LYST: variants seen among roughly 807,000 people sequenced by gnomAD.
LYST encodes lysosomal trafficking regulator.
A neutral mutation model predicts 413.6 loss-of-function variants in LYST; 192 were observed. The ratio of observed to expected loss-of-function variants is 0.46; its 90% confidence interval spans 0.41 to 0.52. The LOEUF is 0.52. Among genes scored for constraint, LYST ranks in the 20% least tolerant of loss-of-function variants. LYST has a pLI of 0.00. For missense variants in LYST, 3,815 were observed against 4,499.9 expected (o/e 0.85, Z 4.35); for synonymous variants, 1,525 against 1,567.3 (o/e 0.97, Z 0.64).
At chr1:235,861,146 C>G (rs1487381122) in intron 1 of LYST, among the ~76,000 whole-genome samples, 1 of 152,056 alleles carries the variant, frequency 6.6e-6, no homozygotes, top group Non-Finnish European at 1.5e-5. Flanking sequence ...CCCTATTGTT[C>G]ATTTATTTCT....
intron 50 of LYST, among the ~76,000 whole-genome samples, chr1:235,673,617 C>A (rs748414042): frequency 2.0e-4 from 31 of 152,156 alleles, no homozygotes; most frequent in Non-Finnish European, 2.9e-4. Context: ...CTATTACTAT[C>A]CCTACCTCTA....
Position 235,755,484 on chromosome 1 carries a change from T to C in LYST, c.7223A>G (p.Asp2408Gly). The C allele has an allele frequency of 6.2e-7, 1 of 1,612,972 alleles. No homozygotes were observed. Among genetic ancestry groups the C allele is most frequent in the African/African-American group, 1.3e-5 (1 of 74,924 alleles). ...GAGGGAAGAACACACTTACTCTTCA[T>C]CAAGGCCAATATGTCGACCAAAGAA... ...EMFFGRHIGL[D>G]EEFDLEDVRN... The change falls in exon 25 of 53, where the codon GAT becomes GGT. Residue 2408 changes from aspartate (D) to glycine (G), a missense_variant. This residue lies in a region of LYST where 771 missense variants were observed against 837.1 expected (regional missense o/e 0.92). Coordinates refer to ENST00000389793, the MANE Select transcript of LYST (RefSeq NM_000081.4).
intron 25 of LYST, among the ~76,000 whole-genome samples, chr1:235,755,054 C>T (rs1572157465): frequency 8.0e-6 from 1 of 124,972 alleles, no homozygotes; most frequent in South Asian, 2.6e-4. Flanking sequence ...GCACTCCAGC[C>T]TGGGTGACAG....
At position 235,795,717 on chromosome 1, in the gene LYST, C is replaced by A. The variant is rs545990716; in HGVS notation, c.4007-2105G>T. On this transcript the variant is annotated intron_variant, in intron 10 of 52. Coordinates refer to ENST00000389793, the MANE Select transcript of LYST (RefSeq NM_000081.4). ...AAAATAGAAAACAAATTCACTTTCACAATATTAGAGGAAATCTCCAACAGT... is the reference window on the plus strand; with the variant it reads ...AAAATAGAAAACAAATTCACTTTCAAAATATTAGAGGAAATCTCCAACAGT... Among the ~76,000 whole-genome samples, 4 of 151,946 alleles carry A rather than the reference C, an allele frequency of 2.6e-5. No homozygotes were observed. In the South Asian group the frequency reaches 8.3e-4, roughly 32 times the overall value.
At chr1:235,845,049 G>T (rs7554637) in intron 1 of LYST, among the ~76,000 whole-genome samples, 6,850 of 152,160 alleles carry the variant, frequency 0.045, 507 homozygotes, top group African/African-American at 0.16. Context: ...TTGTGAATTT[G>T]AGCTCCAGAT....
chr1:235,794,123 A>G (rs946464629), intron 10 of LYST, among the ~76,000 whole-genome samples: 2 of 152,136 alleles, frequency 1.3e-5, no homozygotes, highest in Admixed American at 6.5e-5. Context: ...GTGAGCTACC[A>G]TGTCTGGCCA....
At chr1:235,738,774 T>A (rs1444371649) in intron 31 of LYST, 2 of 1,133,708 alleles carry the variant, frequency 1.8e-6, no homozygotes, top group Non-Finnish European at 2.7e-6. Flanking sequence ...TGTGGCAGAT[T>A]TGGCAGAAAG....
chr1:235,737,919 C>CAGAAGG, intron 31 of LYST: 1 of 1,160,712 alleles, frequency 8.6e-7, no homozygotes, highest in Non-Finnish European at 1.1e-6. Context: ...GCCGACGAGT[C>CAGAAGG]TGGATCTCAC....
chr1:235,816,463 ATAAAAAT>A (rs1674114061), intron 3 of LYST, among the ~76,000 whole-genome samples: 1 of 114,174 alleles, frequency 8.8e-6, no homozygotes, highest in African/African-American at 4.6e-5. Context: ...TAAATAAAAA[ATAAAAAT>A]AAAAAAAAAA....
chr1:235,696,161 A>G (rs563165119), intron 46 of LYST, among the ~76,000 whole-genome samples: 127 of 152,340 alleles, frequency 8.3e-4, no homozygotes, highest in African/African-American at 2.9e-3. Context: ...CTATAAAACA[A>G]TCATTCATTT....
intron 28 of LYST, among the ~76,000 whole-genome samples, chr1:235,750,951 C>T (rs1666429481): frequency 6.6e-6 from 1 of 152,144 alleles, no homozygotes; most frequent in African/African-American, 2.4e-5. Flanking sequence ...TCTGCAGGGG[C>T]AGAATCTGTG....
chr1:235,854,115 C>CATG lies in LYST; in HGVS notation c.-98+12725_-98+12727dup, dbSNP rs142208500. ...AAAAGAGACCTTTGGATTTTTATAG[C>CATG]ATGATGATGATGATGATAATCTGGC... is the stretch of plus-strand genomic sequence containing the variant. On this transcript the variant is annotated intron_variant, in intron 1 of 52. Transcript: ENST00000389793. This position sits in a 1 kb window ranked among gnomAD's most constrained non-coding sequence, Gnocchi z 4.1. Among the ~76,000 whole-genome samples, 56 of 152,128 alleles carry CATG rather than the reference C, an allele frequency of 3.7e-4. No individual in the cohort carries two copies. The highest frequency in any genetic ancestry group is 1.3e-3 in the African/African-American group (53 of 41,504).
intron 12 of LYST, among the ~76,000 whole-genome samples, 165 bp from the exon 13 acceptor site, chr1:235,789,010 A>G (rs1357111939): frequency 6.6e-6 from 1 of 152,194 alleles, no homozygotes; most frequent in Admixed American, 6.5e-5. Flanking sequence ...CAGAGTATAG[A>G]TGTTAACTCC....
chr1:235,765,205 T>C (rs1668012409), intron 21 of LYST, among the ~76,000 whole-genome samples: 1 of 152,172 alleles, frequency 6.6e-6, no homozygotes, highest in Non-Finnish European at 1.5e-5. Flanking sequence ...ATACAACATA[T>C]ATTATACAAC....
intron 1 of LYST, among the ~76,000 whole-genome samples, chr1:235,862,241 T>C (rs931614491): frequency 6.6e-6 from 1 of 152,220 alleles, no homozygotes; most frequent in Non-Finnish European, 1.5e-5. Context: ...CCAATTTGCT[T>C]TTTCTTTTCT....
intron 48 of LYST, among the ~76,000 whole-genome samples, chr1:235,679,254 T>C (rs1230854509): frequency 3.3e-5 from 5 of 152,162 alleles, no homozygotes; most frequent in Admixed American, 6.5e-5. Context: ...TCTCAGATTG[T>C]GACACTCTCC....
chr1:235,696,214 C>A (rs528516723), intron 46 of LYST, among the ~76,000 whole-genome samples: 1 of 152,204 alleles, frequency 6.6e-6, no homozygotes. Flanking sequence ...TATGGCCCAG[C>A]TAGCATACCT....
chr1:235,793,093 A>G (rs1671192635), intron 11 of LYST, among the ~76,000 whole-genome samples: 2 of 152,236 alleles, frequency 1.3e-5, no homozygotes, highest in South Asian at 4.1e-4. Context: ...TTTAAAAGAC[A>G]CTAAGCCACA....
intron 31 of LYST, chr1:235,736,582 T>C (rs1413066996): frequency 2.6e-5 from 4 of 152,016 alleles, no homozygotes; most frequent in African/African-American, 9.7e-5. Context: ...CAGAATCAAG[T>C]TGTAATGGCA....
Sources: allele counts gnomAD v4.1 joint callset (sites outside exome capture counted in the v4.1 genomes callset), GRCh38; gene constraint gnomAD v4.1.1; regional missense constraint gnomAD v4.1.1; non-coding constraint Gnocchi (gnomAD v3.1); transcripts MANE v1.5; gene names NCBI Gene and HGNC (gene_info 2026-07-23, HGNC 2026-07-21).